Variants in ARHGAP26 observed in about 807,000 individuals in gnomAD.
ARHGAP26 encodes the protein rho GTPase-activating protein 26.
ARHGAP26 carries 38 observed loss-of-function variants against 104.8 expected under a neutral mutation model. The ratio of observed to expected loss-of-function variants is 0.36; its 90% confidence interval spans 0.28 to 0.48. The LOEUF (loss-of-function observed/expected upper bound fraction) is 0.48. Among genes scored for constraint, ARHGAP26 ranks in the 20% least tolerant of loss-of-function variants. The pLI is 0.99. For missense variants in ARHGAP26, 704 were observed against 947.9 expected (o/e 0.74, Z 3.38); for synonymous variants, 341 against 340.0 (o/e 1.00, Z -0.03).
At chr5:143,175,404 A>T (rs906642056) in intron 20 of ARHGAP26, among the ~76,000 whole-genome samples, 2 of 152,232 alleles carry the variant, frequency 1.3e-5, no homozygotes, top group Admixed American at 6.5e-5. Flanking sequence ...CTTGTCACAG[A>T]GAAAGGCTAT....
chr5:142,997,100 A>C (rs539826655), intron 11 of ARHGAP26, among the ~76,000 whole-genome samples: 1 of 151,884 alleles, frequency 6.6e-6, no homozygotes, highest in African/African-American at 2.4e-5. Context: ...TTTCCAAAAA[A>C]CTTTATATAT....
chr5:143,028,318 T>G (rs1299691704), intron 12 of ARHGAP26, among the ~76,000 whole-genome samples: 1 of 152,198 alleles, frequency 6.6e-6, no homozygotes, highest in Non-Finnish European at 1.5e-5. Context: ...TCATAAAAAC[T>G]TAGCAGAGAT....
chr5:143,114,434 A>G (rs1795166574), intron 17 of ARHGAP26, among the ~76,000 whole-genome samples: 1 of 152,204 alleles, frequency 6.6e-6, no homozygotes, highest in Non-Finnish European at 1.5e-5. Flanking sequence ...TCCCCCCGCC[A>G]TCCTCTGTTA....
chr5:142,925,823 G>T (rs3776403), intron 10 of ARHGAP26, among the ~76,000 whole-genome samples: 15,286 of 152,160 alleles, frequency 0.1, 1,926 homozygotes, highest in African/African-American at 0.29. Flanking sequence ...GGAAGCTGGG[G>T]AATGAACTCT....
In ARHGAP26 at chr5:142,770,932, C is replaced by A; in HGVS notation, c.154+17C>A. ...CGCTCAAGAGTGAGTGTCCCGAGCC[C>A]CTCGGGGACGCGGCTCCGGGGCGGG... On this transcript the variant is annotated intron_variant, in intron 1 of 22. Coordinates refer to ENST00000645722, the MANE Select transcript of ARHGAP26 (RefSeq NM_001135608.3). The A allele has an allele frequency of 6.3e-7, 1 of 1,594,218 alleles. No homozygotes were observed. Among genetic ancestry groups the A allele is most frequent in the Admixed American group, 1.7e-5 (1 of 58,446 alleles).
intron 14 of ARHGAP26, among the ~76,000 whole-genome samples, chr5:143,052,232 G>T (rs1785146915): frequency 6.6e-6 from 1 of 152,130 alleles, no homozygotes; most frequent in Admixed American, 6.5e-5. Context: ...AGCACTTTAG[G>T]AGGCCGAGGC....
intron 1 of ARHGAP26, among the ~76,000 whole-genome samples, chr5:142,796,452 G>A (rs1284421783): frequency 6.6e-6 from 1 of 152,222 alleles, no homozygotes; most frequent in Non-Finnish European, 1.5e-5. Context: ...GGTTAAAAGA[G>A]ATGATGTACT....
intron 11 of ARHGAP26, among the ~76,000 whole-genome samples, chr5:142,947,829 A>C (rs957795860): frequency 6.6e-6 from 1 of 152,154 alleles, no homozygotes; most frequent in African/African-American, 2.4e-5. Flanking sequence ...AAGATCGTTG[A>C]GTATACTGAT....
At chr5:142,771,171 G>A (rs1755110298) in intron 1 of ARHGAP26, 11 of 1,289,082 alleles carry the variant, frequency 8.5e-6, no homozygotes, top group Admixed American at 4.0e-5. Flanking sequence ...GGTGCTCTGG[G>A]GCAGCGCGGG....
chr5:143,055,905 T>C, intron 15 of ARHGAP26, 123 bp from the exon 16 acceptor site: 1 of 651,710 alleles, frequency 1.5e-6, no homozygotes. Flanking sequence ...ACATTGTTAT[T>C]GTTTCCCTGT....
At chr5:142,854,957 C>T (rs1752108996) in intron 1 of ARHGAP26, among the ~76,000 whole-genome samples, 1 of 152,172 alleles carries the variant, frequency 6.6e-6, no homozygotes, top group Non-Finnish European at 1.5e-5. Context: ...TTTTGTTCTC[C>T]TTCAGCTTGT....
At chr5:143,070,486 G>A (rs1434267135) in intron 17 of ARHGAP26, among the ~76,000 whole-genome samples, 2 of 152,178 alleles carry the variant, frequency 1.3e-5, no homozygotes, top group Non-Finnish European at 1.5e-5. Flanking sequence ...ACAAAACACT[G>A]ATGACAGAAA....
chr5:142,790,674 T>C (rs1489210234), intron 1 of ARHGAP26, among the ~76,000 whole-genome samples: 2 of 152,234 alleles, frequency 1.3e-5, no homozygotes, highest in African/African-American at 4.8e-5. Flanking sequence ...TACCTCACTG[T>C]GTTTAAGCTT....
At chr5:142,898,380 C>T (rs115564855) in intron 6 of ARHGAP26, among the ~76,000 whole-genome samples, 2,155 of 152,200 alleles carry the variant, frequency 0.014, 59 homozygotes, top group African/African-American at 0.049. Flanking sequence ...CCTGAGTTTT[C>T]GTAATTGAAG....
At chr5:142,823,913 G>T (rs1766702071) in intron 1 of ARHGAP26, among the ~76,000 whole-genome samples, 1 of 152,178 alleles carries the variant, frequency 6.6e-6, no homozygotes, top group African/African-American at 2.4e-5. Flanking sequence ...TTTAAAAGTG[G>T]TCGTCTTATT....
intron 19 of ARHGAP26, among the ~76,000 whole-genome samples, chr5:143,145,018 G>C (rs1378004121): frequency 1.3e-5 from 2 of 152,128 alleles, no homozygotes; most frequent in Non-Finnish European, 2.9e-5. Context: ...CCCAGCAAGG[G>C]ATACCAATAA....
intron 20 of ARHGAP26, among the ~76,000 whole-genome samples, chr5:143,157,408 C>T (rs1181814025): frequency 6.6e-6 from 1 of 152,092 alleles, no homozygotes; most frequent in African/African-American, 2.4e-5. Context: ...GAACTCCTGA[C>T]CTCAAGTGAT....
chr5:142,932,306 T>C (rs149108727), intron 11 of ARHGAP26, among the ~76,000 whole-genome samples, 181 bp downstream of exon 11: 122 of 152,318 alleles, frequency 8.0e-4, no homozygotes, highest in African/African-American at 2.8e-3. Flanking sequence ...TGTATAGATG[T>C]AGTTCTTGAG....
chr5:142,834,625 T>C (rs149430716), intron 1 of ARHGAP26, among the ~76,000 whole-genome samples: 137 of 152,346 alleles, frequency 9.0e-4, no homozygotes, highest in African/African-American at 3.2e-3. Context: ...CCCCTCCCCA[T>C]GTAGTCTTTC....
Sources: allele counts gnomAD v4.1 joint callset (sites outside exome capture counted in the v4.1 genomes callset), GRCh38; gene constraint gnomAD v4.1.1; transcripts MANE v1.5; gene names NCBI Gene and HGNC (gene_info 2026-07-23, HGNC 2026-07-21).